Variants in NSMAF observed in about 807,000 individuals in gnomAD.
NSMAF encodes the protein neutral sphingomyelinase activation associated factor.
NSMAF carries 90 observed loss-of-function variants against 134.9 expected under a neutral mutation model. That is an observed-to-expected ratio of 0.67 (90% CI 0.56 to 0.79). The LOEUF (loss-of-function observed/expected upper bound fraction) is 0.79, where lower values mean the gene tolerates loss of function less well. NSMAF is among the 30% of genes least tolerant of loss of function. The pLI is 0.00. For synonymous variants in NSMAF, 358 were observed against 389.6 expected (o/e 0.92, Z 0.96); for missense variants, 1,010 against 1,119.0 (o/e 0.90, Z 1.39).
chr8:58,610,835 T>A (rs7841618), intron 9 of NSMAF, among the ~76,000 whole-genome samples: 1 of 152,024 alleles, frequency 6.6e-6, no homozygotes, highest in Non-Finnish European at 1.5e-5. Flanking sequence ...CACAAAGATA[T>A]CTCTAGAATC....
intron 1 of NSMAF, among the ~76,000 whole-genome samples, 170 bp from the exon 2 acceptor site, chr8:58,643,243 A>C (rs1439169136): frequency 6.6e-6 from 1 of 152,234 alleles, no homozygotes; most frequent in Non-Finnish European, 1.5e-5. Context: ...GGCGGGAAGT[A>C]CATAGCTGGG....
intron 23 of NSMAF, 200 bp from the exon 24 acceptor site, chr8:58,591,134 C>T (rs1461358383): frequency 3.9e-5 from 16 of 414,324 alleles, no homozygotes; most frequent in Non-Finnish European, 6.0e-5. Context: ...CCTGTAACCC[C>T]ATGACAAAAA....
intron 1 of NSMAF, among the ~76,000 whole-genome samples, chr8:58,651,970 A>C (rs1388638796): frequency 6.6e-6 from 1 of 152,210 alleles, no homozygotes; most frequent in African/African-American, 2.4e-5. Context: ...AATCAGTCTA[A>C]ACTTCAAGGA....
intron 18 of NSMAF, 141 bp downstream of exon 18, chr8:58,599,609 C>A: frequency 1.0e-6 from 1 of 969,194 alleles, no homozygotes; most frequent in East Asian, 2.5e-5. Context: ...TAGAATACTT[C>A]TGATATGGAA....
At position 58,600,157 on chromosome 8, in the gene NSMAF, T is replaced by C. The variant is rs923556799; in HGVS notation, c.1281-136A>G. The stretch of plus-strand genomic sequence containing the variant: ...TCATTTCCACATAGTTCTAACCATC[T>C]CTCTGAGTGTCCCACTTTAACAAAA... On this transcript the variant is annotated intron_variant, in intron 16 of 30. Coordinates refer to ENST00000038176, the MANE Select transcript of NSMAF (RefSeq NM_003580.4). 1.4e-5 allele frequency: 9 copies of C among 653,704 alleles called. No homozygotes were observed. The African/African-American group carries it at 1.5e-4, about 11-fold the overall frequency. 40.5% of individuals were successfully genotyped at this position (653,704 alleles called of 1,614,324 possible). A position where few individuals can be genotyped will look rare whatever the true frequency, so the allele number is the denominator to read the frequency against.
intron 6 of NSMAF, among the ~76,000 whole-genome samples, chr8:58,630,954 C>T (rs1168406982): frequency 2.6e-5 from 4 of 152,134 alleles, no homozygotes; most frequent in Admixed American, 2.6e-4. Flanking sequence ...GGAGTTATCC[C>T]TCTACTATGT....
intron 9 of NSMAF, among the ~76,000 whole-genome samples, chr8:58,614,282 C>T (rs1321665985): frequency 1.3e-5 from 2 of 152,212 alleles, no homozygotes; most frequent in Admixed American, 6.5e-5. Context: ...TCTGAAGACT[C>T]TCCCAGCACT....
intron 22 of NSMAF, among the ~76,000 whole-genome samples, chr8:58,595,324 A>C (rs1288258067): frequency 6.6e-6 from 1 of 152,228 alleles, no homozygotes; most frequent in Non-Finnish European, 1.5e-5. Context: ...GTGAAGTGAC[A>C]GACTGCAGAA....
chr8:58,587,010 C>T (rs990754762), intron 27 of NSMAF, among the ~76,000 whole-genome samples: 20 of 152,206 alleles, frequency 1.3e-4, no homozygotes, highest in Admixed American at 7.2e-4. Flanking sequence ...TATACTTGCA[C>T]ATCATCATGA....
intron 9 of NSMAF, among the ~76,000 whole-genome samples, chr8:58,618,379 T>G (rs1219947361): frequency 6.6e-6 from 1 of 151,884 alleles, no homozygotes; most frequent in Admixed American, 6.6e-5. Flanking sequence ...TTTTTAATGA[T>G]TTTATATTTT....
chr8:58,587,130 C>A (rs879833186), intron 27 of NSMAF, among the ~76,000 whole-genome samples: 11 of 152,334 alleles, frequency 7.2e-5, no homozygotes, highest in Middle Eastern at 3.4e-3. Flanking sequence ...GCATAAGATG[C>A]AGCAGCGTGA....
At position 58,597,849 on chromosome 8, in the gene NSMAF, CAT is replaced by C; in HGVS notation, c.1628+9_1628+10del. ...AACTCAAGTAGAAACTCCTTATTGA[CAT>C]ATAAGTACCTGTTCAAGTCTACACC... On this transcript the variant is annotated intron_variant, in intron 20 of 30. Transcript: ENST00000038176. 6.4e-7 allele frequency: 1 copy of C among 1,562,914 alleles called. No individual in the cohort carries two copies. Among genetic ancestry groups the C allele is most frequent in the South Asian group, 1.1e-5 (1 of 89,128 alleles).
At chr8:58,625,237 C>T (rs878986322) in intron 6 of NSMAF, among the ~76,000 whole-genome samples, 2 of 152,160 alleles carry the variant, frequency 1.3e-5, no homozygotes, top group East Asian at 3.9e-4. Flanking sequence ...TCAGACTAAA[C>T]GCTATACCAT....
chr8:58,599,581 T>C, intron 18 of NSMAF, 169 bp downstream of exon 18: 2 of 893,558 alleles, frequency 2.2e-6, no homozygotes, highest in Non-Finnish European at 3.3e-6. Flanking sequence ...ATATTAATGT[T>C]TTTACATCAC....
At chr8:58,590,623 G>C (rs934460158) in intron 24 of NSMAF, among the ~76,000 whole-genome samples, 1 of 152,136 alleles carries the variant, frequency 6.6e-6, no homozygotes, top group African/African-American at 2.4e-5. Flanking sequence ...TATTTAAGTA[G>C]AATTCTACTG....
chr8:58,633,622 G>A (rs560181298), intron 5 of NSMAF, among the ~76,000 whole-genome samples: 24 of 152,270 alleles, frequency 1.6e-4, no homozygotes, highest in African/African-American at 5.5e-4. Flanking sequence ...GATTGCCAGA[G>A]CCCTGAATAT....
intron 6 of NSMAF, among the ~76,000 whole-genome samples, chr8:58,629,439 C>A (rs1036639139): frequency 1.2e-4 from 18 of 152,148 alleles, no homozygotes; most frequent in Non-Finnish European, 1.9e-4. Flanking sequence ...TTTCTTCATG[C>A]ATAATTTTCC....
chr8:58,598,967 A>G (rs1359062593), intron 19 of NSMAF, among the ~76,000 whole-genome samples: 1 of 152,194 alleles, frequency 6.6e-6, no homozygotes, highest in East Asian at 1.9e-4. Context: ...CGGAGGTTGC[A>G]GTAAGCCAAG....
chr8:58,625,706 A>G (rs144005823), intron 6 of NSMAF, among the ~76,000 whole-genome samples: 60 of 152,220 alleles, frequency 3.9e-4, no homozygotes, highest in Non-Finnish European at 7.9e-4. Context: ...GATGGCATAT[A>G]GTTTTAGATC....
Sources: allele counts gnomAD v4.1 joint callset (sites outside exome capture counted in the v4.1 genomes callset), GRCh38; gene constraint gnomAD v4.1.1; transcripts MANE v1.5; gene names NCBI Gene and HGNC (gene_info 2026-07-23, HGNC 2026-07-21).